ACSL3: variants seen among roughly 807,000 people sequenced by gnomAD.
The protein encoded by ACSL3 is acyl-CoA synthetase long chain family member 3.
ACSL3 carries 34 observed loss-of-function variants against 84.7 expected under a neutral mutation model. That is an observed-to-expected ratio of 0.40 (90% confidence interval 0.31 to 0.53). The LOEUF (loss-of-function observed/expected upper bound fraction) is 0.53, where lower values mean the gene tolerates loss of function less well. ACSL3 is among the 20% of genes least tolerant of loss of function. ACSL3 has a pLI of 0.48. For missense variants in ACSL3, 680 were observed against 873.1 expected (o/e 0.78, Z 2.79); for synonymous variants, 315 against 299.4 (o/e 1.05, Z -0.54).
intron 1 of ACSL3, among the ~76,000 whole-genome samples, chr2:222,877,131 C>G (rs1034975390): frequency 3.3e-5 from 5 of 152,038 alleles, no homozygotes; most frequent in Admixed American, 2.6e-4. Flanking sequence ...CAGTAGAGAT[C>G]AGGCAGGGGG....
chr2:222,877,695 A>G (rs1006073371), intron 1 of ACSL3, among the ~76,000 whole-genome samples: 1 of 152,188 alleles, frequency 6.6e-6, no homozygotes, highest in Non-Finnish European at 1.5e-5. Flanking sequence ...ATTATATACT[A>G]CATCATGTGT....
In ACSL3 at chr2:222,922,822, AGCAGATCAGGT is replaced by A; in HGVS notation, c.1072_1080+2del. 1 of 1,614,134 alleles carries A rather than the reference AGCAGATCAGGT, an allele frequency of 6.2e-7. No individual in the cohort carries two copies. The highest frequency in any genetic ancestry group is 8.5e-7 in the Non-Finnish European group (1 of 1,179,988). On this transcript the variant is annotated splice_donor_variant and coding_sequence_variant, in exon 9 of 17. Coordinates refer to ENST00000357430, the MANE Select transcript of ACSL3 (RefSeq NM_004457.5). LOFTEE classifies it high-confidence loss of function. ...TTGGTTACTCTTCACCACAGACTTT[AGCAGATCAGGT>A]AAGTTCAGTGTCTGTGACTTGAAAT...
intron 16 of ACSL3, among the ~76,000 whole-genome samples, chr2:222,939,812 C>T (rs544707922): frequency 6.6e-6 from 1 of 152,222 alleles, no homozygotes; most frequent in African/African-American, 2.4e-5. Context: ...ATCCATGTTT[C>T]TGTAGGGGAA....
At position 222,940,318 on chromosome 2, in the gene ACSL3, T is replaced by G. The variant is rs553668769; in HGVS notation, c.2006-1179T>G. Among the ~76,000 whole-genome samples, 5 of 152,314 alleles carry G rather than the reference T, an allele frequency of 3.3e-5. 1 individual carries two copies. The highest frequency in any genetic ancestry group is 3.3e-4 in the Admixed American group (5 of 15,298). ...AGTAAATGTGCTCTGCATAATAAAT[T>G]CAAGGAAAACAAATAGGCATAAAGG... On this transcript the variant is annotated intron_variant, in intron 16 of 16. Transcript: ENST00000357430.
chr2:222,905,595 G>A (rs1696272424), intron 3 of ACSL3, among the ~76,000 whole-genome samples: 1 of 152,196 alleles, frequency 6.6e-6, no homozygotes, highest in Non-Finnish European at 1.5e-5. Flanking sequence ...GGTGTAGCAA[G>A]ACCGTTTGTT....
intron 16 of ACSL3, among the ~76,000 whole-genome samples, chr2:222,940,475 CT>C (rs543017870): frequency 0.072 from 8,813 of 122,532 alleles, 286 homozygotes; most frequent in East Asian, 0.13. Context: ...TGGAACTTGT[CT>C]TTTTTTTTTT....
In ACSL3 at chr2:222,924,468, C is replaced by T. The variant is rs768358008; in HGVS notation, c.1165C>T (p.Arg389Trp). 5.0e-6 allele frequency: 8 copies of T among 1,602,560 alleles called. No individual in the cohort carries two copies. The highest frequency in any genetic ancestry group is 1.1e-5 in the South Asian group (1 of 87,742). The stretch of plus-strand genomic sequence containing the variant: ...TTTATACATTTAGGAAATCATGGAT[C>T]GGATCTACAAAAATGTCATGAATAA... Reference protein sequence around the residue: ...LMAAVPEIMDRIYKNVMNKVS... With the variant: ...LMAAVPEIMDWIYKNVMNKVS... The change falls in exon 11 of 17, where the codon CGG (arginine) becomes TGG (tryptophan). Residue 389 changes from arginine to tryptophan, a missense_variant. This residue lies in a region of ACSL3 where 347 missense variants were observed against 525.7 expected (regional missense o/e 0.66). Coordinates refer to ENST00000357430, the MANE Select transcript of ACSL3 (RefSeq NM_004457.5).
intron 1 of ACSL3, among the ~76,000 whole-genome samples, chr2:222,886,362 A>G (rs1695722346): frequency 1.3e-5 from 2 of 152,190 alleles, no homozygotes; most frequent in African/African-American, 4.8e-5. Flanking sequence ...TTTGCTGAGA[A>G]TGGTGGCTTC....
chr2:222,920,274 A>G (rs944161097), intron 7 of ACSL3, among the ~76,000 whole-genome samples: 2 of 152,200 alleles, frequency 1.3e-5, no homozygotes, highest in African/African-American at 4.8e-5. Context: ...AGGGTATTCT[A>G]TTGGGAGTAC....
intron 1 of ACSL3, among the ~76,000 whole-genome samples, chr2:222,873,057 T>G (rs1157247355): frequency 2.0e-5 from 3 of 152,220 alleles, no homozygotes; most frequent in African/African-American, 7.2e-5. Flanking sequence ...GCCAACTAGT[T>G]AGCAATATCT....
intron 1 of ACSL3, among the ~76,000 whole-genome samples, chr2:222,868,269 G>A (rs1293677694): frequency 3.9e-5 from 6 of 152,028 alleles, no homozygotes; most frequent in Non-Finnish European, 5.9e-5. Context: ...ATTGGAATCC[G>A]GGCTCTACTT....
chr2:222,919,102 C>T lies in ACSL3; in HGVS notation c.705C>T (p.Ile235=). 1.2e-6 allele frequency: 2 copies of T among 1,614,134 alleles called. No individual in the cohort carries two copies. Among genetic ancestry groups the T allele is most frequent in the Non-Finnish European group, 8.5e-7 (1 of 1,180,002 alleles). The change falls in exon 7 of 17, where the codon ATC becomes ATT. Residue 235 remains isoleucine (I), a synonymous_variant. Transcript: ENST00000357430. The stretch of plus-strand genomic sequence containing the variant: ...TGGTCCCACGCCTGCGGCACATCAT[C>T]ACTGTTGATGGAAAGCCACCGACCT... ...VSLVPRLRHI[I]TVDGKPPTWS... is the part of the protein sequence containing the mutation.
At chr2:222,868,998 G>T (rs150074977) in intron 1 of ACSL3, among the ~76,000 whole-genome samples, 2 of 151,806 alleles carry the variant, frequency 1.3e-5, no homozygotes, top group African/African-American at 4.8e-5. Context: ...AGGATTTATC[G>T]TGTTTCAATT....
chr2:222,934,364 A>T (rs369575726), intron 15 of ACSL3, among the ~76,000 whole-genome samples, 166 bp from the exon 16 acceptor site: 4 of 152,250 alleles, frequency 2.6e-5, no homozygotes, highest in African/African-American at 7.2e-5. Context: ...ATTATGAATC[A>T]AACAGTAAAA....
At chr2:222,865,794 C>CTGTGTGTGTGTGTGTGTGTG (rs3219912) in intron 1 of ACSL3, among the ~76,000 whole-genome samples, 22 of 150,118 alleles carry the variant, frequency 1.5e-4, no homozygotes, top group African/African-American at 5.4e-4. Context: ...TTTGGATCCT[C>CTGTGTGTGTGTGTGTGTGTG]TGTGTGTGTG....
intron 14 of ACSL3, among the ~76,000 whole-genome samples, chr2:222,931,426 A>AT (rs907209205): frequency 6.6e-6 from 1 of 151,690 alleles, no homozygotes; most frequent in Admixed American, 6.6e-5. Flanking sequence ...AAAAAAAAAA[A>AT]AGTTAATGGC....
In ACSL3 at chr2:222,923,117, A is replaced by G. The variant is rs762475796; in HGVS notation, c.1120A>G (p.Met374Val). The G allele has an allele frequency of 2.5e-6, 4 of 1,614,030 alleles. No homozygotes were observed. In the South Asian group the frequency reaches 4.4e-5, roughly 18 times the overall value. ...AAAAGGAAGCAAAGGGGATACATCC[A>G]TGTTGAAACCAACACTGATGGCAGC... Reference protein sequence around the residue: ...IKKGSKGDTSMLKPTLMAAVP... With the variant: ...IKKGSKGDTSVLKPTLMAAVP... Residue 374 changes from methionine (M) to valine (V), a missense_variant, in exon 10 of 17, where the codon ATG becomes GTG. Met to Val is a conservative substitution (Grantham distance 21). Around this residue, in one of 2 missense-constraint regions of ACSL3, gnomAD observed 347 missense variants for 525.7 expected, o/e 0.66. Transcript: ENST00000357430.
At chr2:222,879,437 C>A (rs1559279101) in intron 1 of ACSL3, among the ~76,000 whole-genome samples, 2 of 152,238 alleles carry the variant, frequency 1.3e-5, no homozygotes, top group Non-Finnish European at 1.5e-5. Flanking sequence ...TTCCAGCGAT[C>A]TCAGGCTACT....
At chr2:222,864,655 G>A (rs956052454) in intron 1 of ACSL3, among the ~76,000 whole-genome samples, 1 of 152,106 alleles carries the variant, frequency 6.6e-6, no homozygotes, top group Non-Finnish European at 1.5e-5. Context: ...TGAGGAAAAC[G>A]GAGACAGAAA....
Sources: gnomAD v4.1 joint callset for allele counts (sites outside exome capture counted in the v4.1 genomes callset) on GRCh38, gnomAD v4.1.1 for gene constraint, gnomAD v4.1.1 regional missense constraint, MANE v1.5 for transcripts, NCBI Gene and HGNC (gene_info 2026-07-23, HGNC 2026-07-21) for gene names.